TBC1D2B: variants seen among roughly 807,000 people sequenced by gnomAD.
TBC1D2B encodes the protein TBC1 domain family member 2B, also known as TBC1 domain family, member 2B.
In TBC1D2B, 64 loss-of-function variants were observed where a neutral mutation model predicts 100.8. The observed-to-expected ratio is 0.64, with a 90% CI of 0.52 to 0.78. TBC1D2B has a LOEUF of 0.78. Ranked by LOEUF, TBC1D2B falls within the 30% of genes least tolerant of loss-of-function variation. The pLI is 0.00. For synonymous variants in TBC1D2B, 480 were observed against 479.7 expected, an observed-to-expected ratio of 1.00 and a Z score of -0.01; for missense variants, 1,052 against 1,218.4, an observed-to-expected ratio of 0.86 and a Z score of 2.03.
intron 3 of TBC1D2B, chr15:78,034,744 A>C: frequency 1.0e-6 from 1 of 985,408 alleles, no homozygotes; most frequent in Non-Finnish European, 1.2e-6. Context: ...CAAGTCCTGG[A>C]TAAGAGAGAA....
rs150199205 is a variant in TBC1D2B at position 78,046,224 on chromosome 15, G to C, written c.515-1156C>G. Among the ~76,000 whole-genome samples the C allele has an allele frequency of 9.7e-3, 1,484 of 152,206 alleles. 11 individuals carry two copies. The highest frequency in any genetic ancestry group is 0.061 in the Middle Eastern group (18 of 294). ...TGGGATTACAGGCATGAGCCACTGT[G>C]CCCGGCTGATAAAAACATTTCTAAC... is the stretch of plus-strand genomic sequence containing the variant. On this transcript the variant is annotated intron_variant, in intron 2 of 12. Transcript: ENST00000300584.
In TBC1D2B at chr15:78,016,563, A is replaced by G; in HGVS notation, c.1758T>C (p.Val586=). Residue 586 remains valine (V), a synonymous_variant, in exon 8 of 13, where the codon GTT becomes GTC. Coordinates refer to ENST00000300584, the MANE Select transcript of TBC1D2B (RefSeq NM_144572.2). ...ESQEQPEQAF[V]KPHLVSEYDI... The stretch of plus-strand genomic sequence containing the variant: ...ACATTTACCTGACAAGATGAGGTTT[A>G]ACAAATGCTTGCTCCGGCTGCTCTT... The G allele has an allele frequency of 6.2e-7, 1 of 1,612,672 alleles. No homozygotes were observed. Among genetic ancestry groups the G allele is most frequent in the South Asian group, 1.1e-5 (1 of 90,824 alleles).
chr15:78,072,109 C>G (rs1268170898), intron 1 of TBC1D2B, among the ~76,000 whole-genome samples: 1 of 152,198 alleles, frequency 6.6e-6, no homozygotes, highest in Non-Finnish European at 1.5e-5. Flanking sequence ...ACACTGGGAG[C>G]TGGCACTTCA....
chr15:78,007,429 G>A (rs1011120683), intron 10 of TBC1D2B, among the ~76,000 whole-genome samples: 4 of 152,164 alleles, frequency 2.6e-5, no homozygotes, highest in Non-Finnish European at 2.9e-5. Context: ...CCAGGCAGGC[G>A]GCAGCACTAG....
intron 1 of TBC1D2B, among the ~76,000 whole-genome samples, chr15:78,059,041 C>T (rs1158138352): frequency 6.6e-6 from 1 of 152,222 alleles, no homozygotes; most frequent in African/African-American, 2.4e-5. Context: ...TCTCCCCTAA[C>T]ACCAGTCTCC....
chr15:78,033,135 A>C (rs975448473), intron 3 of TBC1D2B, among the ~76,000 whole-genome samples: 1 of 152,240 alleles, frequency 6.6e-6, no homozygotes, highest in Non-Finnish European at 1.5e-5. Flanking sequence ...AAAGGAAGTC[A>C]AATTTTTATA....
At chr15:78,016,158 T>C (rs544157213) in intron 8 of TBC1D2B, among the ~76,000 whole-genome samples, 38 of 152,182 alleles carry the variant, frequency 2.5e-4, no homozygotes, top group African/African-American at 8.7e-4. Context: ...CAAAAATATA[T>C]GGGGGGTGTG....
At chr15:78,061,932 C>T (rs1325126501) in intron 1 of TBC1D2B, among the ~76,000 whole-genome samples, 1 of 152,104 alleles carries the variant, frequency 6.6e-6, no homozygotes, top group Admixed American at 6.5e-5. Context: ...CAGAAATTCA[C>T]ACGGGAAGGT....
chr15:78,038,101 G>A (rs1165297097), intron 3 of TBC1D2B, among the ~76,000 whole-genome samples: 1 of 152,190 alleles, frequency 6.6e-6, no homozygotes, highest in Non-Finnish European at 1.5e-5. Flanking sequence ...AAGAGCAGCA[G>A]AGCAACTCTG....
At chr15:78,015,172 G>C (rs936313133) in intron 8 of TBC1D2B, among the ~76,000 whole-genome samples, 1 of 152,252 alleles carries the variant, frequency 6.6e-6, no homozygotes, top group Non-Finnish European at 1.5e-5. Context: ...CTGTACTCCA[G>C]CCTGGGCAAC....
intron 9 of TBC1D2B, among the ~76,000 whole-genome samples, chr15:78,012,104 C>A (rs774134991): frequency 4.6e-5 from 7 of 152,208 alleles, no homozygotes; most frequent in Non-Finnish European, 4.4e-5. Context: ...AGCCTGCTTA[C>A]CTACTTTCAT....
chr15:78,016,543 T>C lies in TBC1D2B; in HGVS notation c.1775+3A>G, dbSNP rs200796844. On this transcript the variant is annotated splice_donor_region_variant and intron_variant, in intron 8 of 12. Coordinates refer to ENST00000300584, the MANE Select transcript of TBC1D2B (RefSeq NM_144572.2). ...TACCCTCAACAGTCACTAGCACATT[T>C]ACCTGACAAGATGAGGTTTAACAAA... is the stretch of plus-strand genomic sequence containing the variant. 2 of 1,611,694 alleles carry C rather than the reference T, an allele frequency of 1.2e-6. No homozygotes were observed. Among genetic ancestry groups the C allele is most frequent in the Non-Finnish European group, 1.7e-6 (2 of 1,179,460 alleles).
At chr15:78,067,737 C>A (rs981222514) in intron 1 of TBC1D2B, among the ~76,000 whole-genome samples, 6 of 152,218 alleles carry the variant, frequency 3.9e-5, no homozygotes, top group South Asian at 4.1e-4. Context: ...ACTTCTCACA[C>A]TGGATTCTAG....
In TBC1D2B at chr15:77,997,087, CAAA is replaced by C. The variant is rs1041658387; in HGVS notation, c.*1070_*1072del. 7 of 152,648 alleles carry C rather than the reference CAAA, an allele frequency of 4.6e-5. No homozygotes were observed. Among genetic ancestry groups the C allele is most frequent in the African/African-American group, 1.7e-4 (7 of 41,600 alleles). 9.5% of individuals were successfully genotyped at this position (152,648 alleles called of 1,614,324 possible). On this transcript the variant is annotated 3_prime_UTR_variant, in exon 13 of 13. Coordinates refer to ENST00000300584, the MANE Select transcript of TBC1D2B (RefSeq NM_144572.2). ...AGAGCTCACCCAAGCCTGCCCCAAG[CAAA>C]AAAGTTTCCCAGCCCCAGGCACTGG...
Position 78,003,361 on chromosome 15 carries a change from C to T in TBC1D2B, c.2518G>A (p.Val840Ile), listed in dbSNP as rs1196374490. 5 of 1,613,922 alleles carry T rather than the reference C, an allele frequency of 3.1e-6. No individual in the cohort carries two copies. The highest frequency in any genetic ancestry group is 4.2e-6 in the Non-Finnish European group (5 of 1,179,874). The stretch of plus-strand genomic sequence containing the variant: ...ATTTTAAAGAGGATGTCACTAACGA[C>T]ACTATCCACAAATACCACCAGAAAC... The part of the protein sequence containing the change: ...NWFLVVFVDS[V>I]VSDILFKIWD... Residue 840 changes from valine (V) to isoleucine (I), a missense_variant, in exon 11 of 13, where the codon GTC becomes ATC. Physicochemically the swap from Val to Ile is conservative, Grantham distance 29 (BLOSUM62 3). This residue lies in a region of TBC1D2B where 373 missense variants were observed against 464.9 expected (regional missense o/e 0.80). Coordinates refer to ENST00000300584, the MANE Select transcript of TBC1D2B (RefSeq NM_144572.2).
chr15:78,031,486 G>A (rs1157368947), intron 3 of TBC1D2B, among the ~76,000 whole-genome samples: 4 of 129,678 alleles, frequency 3.1e-5, no homozygotes, highest in African/African-American at 5.5e-5. Context: ...CCTGGGAGGC[G>A]GAGGTTACAG....
intron 3 of TBC1D2B, among the ~76,000 whole-genome samples, chr15:78,033,804 T>A (rs1030793197): frequency 6.6e-6 from 1 of 152,254 alleles, no homozygotes; most frequent in African/African-American, 2.4e-5. Flanking sequence ...GATGATATTC[T>A]CATGTAAAAC....
intron 10 of TBC1D2B, among the ~76,000 whole-genome samples, chr15:78,004,275 G>A (rs936033762): frequency 3.9e-5 from 6 of 152,206 alleles, no homozygotes; most frequent in African/African-American, 1.4e-4. Flanking sequence ...GGGAAGGCCA[G>A]ACACGTGGAC....
intron 1 of TBC1D2B, among the ~76,000 whole-genome samples, chr15:78,076,677 A>C (rs1474787673): frequency 1.3e-5 from 2 of 152,100 alleles, no homozygotes; most frequent in African/African-American, 4.8e-5. Context: ...TCTTGAGCCC[A>C]GGCATGGAGG....
Sources: allele counts gnomAD v4.1 joint callset (sites outside exome capture counted in the v4.1 genomes callset), GRCh38; gene constraint gnomAD v4.1.1; regional missense constraint gnomAD v4.1.1; transcripts MANE v1.5; gene names NCBI Gene and HGNC (gene_info 2026-07-23, HGNC 2026-07-21).